TEX10: variants seen among roughly 807,000 people sequenced by gnomAD.
TEX10 encodes the protein testis-expressed protein 10.
TEX10 carries 24 observed loss-of-function variants against 104.4 expected under a neutral mutation model. The observed-to-expected ratio is 0.23, with a 90% CI of 0.17 to 0.32. The LOEUF is 0.32. TEX10 is among the 10% of genes least tolerant of loss of function. The pLI, the probability that TEX10 is intolerant of heterozygous loss-of-function variation, is 1.00. For missense variants in TEX10, 921 were observed against 1,083.9 expected (o/e 0.85, Z 2.11); for synonymous variants, 396 against 393.4 (o/e 1.01, Z -0.08).
chr9:100,324,299 C>T (rs933082198), intron 9 of TEX10, among the ~76,000 whole-genome samples: 1 of 152,132 alleles, frequency 6.6e-6, no homozygotes, highest in African/African-American at 2.4e-5. Context: ...TCTCATAGTG[C>T]TGGGATTTAC....
rs1834814476 is a variant in TEX10 at position 100,329,955 on chromosome 9, A to T, written c.1465T>A (p.Leu489Ile). 1 of 1,612,442 alleles carries T rather than the reference A, an allele frequency of 6.2e-7. No individual in the cohort carries two copies. Among genetic ancestry groups the T allele is most frequent in the East Asian group, 2.2e-5 (1 of 44,830 alleles). ...LNRLLGVSWR[L>I]MQIQPNREDT... ...CCTCTGTTTGGCTGTATTTGCATTAACCTCCAGGATACTCCCAGCAATCTG... is the reference window on the plus strand; with the variant it reads ...CCTCTGTTTGGCTGTATTTGCATTATCCTCCAGGATACTCCCAGCAATCTG... The change falls in exon 6 of 15, where the codon TTA (leucine) becomes ATA (isoleucine). Residue 489 changes from leucine (L) to isoleucine (I), a missense_variant. Leu to Ile is a conservative substitution (Grantham distance 5). Transcript: ENST00000374902.
intron 5 of TEX10, among the ~76,000 whole-genome samples, chr9:100,339,128 C>G (rs1835091581): frequency 6.7e-6 from 1 of 149,462 alleles, no homozygotes; most frequent in South Asian, 2.1e-4. Context: ...GTGGTGAACA[C>G]TTGTAATCCC....
chr9:100,302,209 T>C lies in TEX10; in HGVS notation c.2772A>G (p.Ala924=). 6.2e-7 allele frequency: 1 copy of C among 1,608,948 alleles called. No individual in the cohort carries two copies. The highest frequency in any genetic ancestry group is 8.5e-7 in the Non-Finnish European group (1 of 1,176,620). The change falls in exon 15 of 15, where the codon GCA becomes GCG. Residue 924 remains alanine, a synonymous_variant. Transcript: ENST00000374902. ...YITGHPQGPS[A]LATVY is the part of the protein sequence containing the mutation. ...GGCCTCTTCAATACACTGTAGCCAG[T>C]GCACTGGGCCCTTGGGGATGCCCAG...
chr9:100,303,977 A>G, intron 13 of TEX10, 135 bp from the exon 14 acceptor site: 1 of 806,168 alleles, frequency 1.2e-6, no homozygotes. Flanking sequence ...AGCCAAATCA[A>G]GAACGCAATC....
intron 5 of TEX10, among the ~76,000 whole-genome samples, chr9:100,332,525 A>C (rs1834890110): frequency 6.6e-6 from 1 of 152,186 alleles, no homozygotes. Flanking sequence ...GGTAATTATA[A>C]TATTGCTCAA....
chr9:100,323,308 T>C (rs898582753), intron 9 of TEX10, among the ~76,000 whole-genome samples: 3 of 152,336 alleles, frequency 2.0e-5, no homozygotes, highest in African/African-American at 7.2e-5. Flanking sequence ...GCGCTGATTA[T>C]GCTGGGCCAA....
intron 1 of TEX10, among the ~76,000 whole-genome samples, chr9:100,350,450 T>A (rs1835412421): frequency 6.6e-6 from 1 of 152,166 alleles, no homozygotes; most frequent in Non-Finnish European, 1.5e-5. Context: ...TGTGGCCCCA[T>A]CCATCCTCTC....
At chr9:100,336,135 C>G (rs1453585336) in intron 5 of TEX10, among the ~76,000 whole-genome samples, 1 of 152,036 alleles carries the variant, frequency 6.6e-6, no homozygotes, top group Non-Finnish European at 1.5e-5. Flanking sequence ...CCACTGCACT[C>G]CAGCCTGGGC....
At chr9:100,350,664 GACAATGCTAC>G (rs1835416817) in intron 1 of TEX10, among the ~76,000 whole-genome samples, 1 of 152,026 alleles carries the variant, frequency 6.6e-6, no homozygotes, top group African/African-American at 2.4e-5. Flanking sequence ...CATAAAAAGT[GACAATGCTAC>G]ACATGAGGGT....
chr9:100,308,385 A>G (rs1834192103), intron 13 of TEX10, 115 bp downstream of exon 13: 7 of 823,512 alleles, frequency 8.5e-6, no homozygotes, highest in Non-Finnish European at 1.0e-5. Context: ...AAACTCTCTG[A>G]AACAGAATTT....
At chr9:100,305,151 C>G (rs910907418) in intron 13 of TEX10, 1 of 152,138 alleles carries the variant, frequency 6.6e-6, no homozygotes, top group African/African-American at 2.4e-5. Flanking sequence ...TCACATAGAC[C>G]TAGAGTCCAC....
intron 4 of TEX10, among the ~76,000 whole-genome samples, chr9:100,341,847 G>A (rs1835182394): frequency 6.6e-6 from 1 of 152,172 alleles, no homozygotes; most frequent in Admixed American, 6.5e-5. Flanking sequence ...GTGAGCACCT[G>A]GGAGTTCACT....
At chr9:100,335,864 TA>T (rs1342140120) in intron 5 of TEX10, among the ~76,000 whole-genome samples, 1 of 152,078 alleles carries the variant, frequency 6.6e-6, no homozygotes, top group African/African-American at 2.4e-5. Context: ...AAAAATAAAT[TA>T]TATCATTTTT....
At chr9:100,318,535 T>C (rs1435194827) in intron 11 of TEX10, among the ~76,000 whole-genome samples, 1 of 152,214 alleles carries the variant, frequency 6.6e-6, no homozygotes, top group African/African-American at 2.4e-5. Context: ...TGGGTGATAC[T>C]CTCAGATACC....
At position 100,346,702 on chromosome 9, in the gene TEX10, G is replaced by A; in HGVS notation, c.885C>T (p.Phe295=). The change falls in exon 3 of 15, where the codon TTC becomes TTT. Residue 295 remains phenylalanine, a synonymous_variant. Transcript: ENST00000374902. Reference sequence around the variant, plus strand: ...ACTGAAATCCTTCTTACCGTAGCCTGAACTGTGAACTGACATTTGGCTGTG... The same window carrying A: ...ACTGAAATCCTTCTTACCGTAGCCTAAACTGTGAACTGACATTTGGCTGTG... ...GGSQPNVSSQ[F]RLRYLVGGLS... The A allele has an allele frequency of 1.2e-6, 2 of 1,610,978 alleles. No homozygotes were observed. Among genetic ancestry groups the A allele is most frequent in the Non-Finnish European group, 1.7e-6 (2 of 1,178,308 alleles).
chr9:100,313,275 G>A (rs1223515630), intron 11 of TEX10, among the ~76,000 whole-genome samples: 1 of 152,156 alleles, frequency 6.6e-6, no homozygotes, highest in Non-Finnish European at 1.5e-5. Flanking sequence ...AGCACTTTGG[G>A]AGACCAAGGC....
chr9:100,322,913 G>A (rs904376530), intron 9 of TEX10, among the ~76,000 whole-genome samples: 2 of 152,152 alleles, frequency 1.3e-5, no homozygotes, highest in African/African-American at 4.8e-5. Flanking sequence ...ACTGCACCCA[G>A]CCTTATTAAT....
chr9:100,342,138 T>C (rs1440098743), intron 4 of TEX10, among the ~76,000 whole-genome samples: 2 of 152,204 alleles, frequency 1.3e-5, no homozygotes, highest in African/African-American at 4.8e-5. Context: ...TACTTGCTGT[T>C]TCCTATGCCT....
intron 7 of TEX10, among the ~76,000 whole-genome samples, chr9:100,328,653 C>T (rs1299533700): frequency 1.3e-5 from 2 of 152,336 alleles, no homozygotes; most frequent in East Asian, 3.9e-4. Flanking sequence ...GTATCTTCCT[C>T]TCAAACATTT....
Sources: allele counts gnomAD v4.1 joint callset (sites outside exome capture counted in the v4.1 genomes callset), GRCh38; gene constraint gnomAD v4.1.1; transcripts MANE v1.5; gene names NCBI Gene and HGNC (gene_info 2026-07-23, HGNC 2026-07-21).